CUL1: variants seen among roughly 807,000 people sequenced by gnomAD.
The protein encoded by CUL1 is cullin 1.
Under a neutral mutation model 118.0 loss-of-function variants are expected in CUL1, and 24 were observed. The ratio of observed to expected loss-of-function variants is 0.20; its 90% CI spans 0.15 to 0.29. The LOEUF (loss-of-function observed/expected upper bound fraction) is 0.29. Among genes scored for constraint, CUL1 ranks in the 10% least tolerant of loss-of-function variants. CUL1 has a pLI of 1.00. For synonymous variants in CUL1, 332 were observed against 340.4 expected (o/e 0.98, Z 0.27); for missense variants, 361 against 933.8 (o/e 0.39, Z 7.99).
At chr7:148,705,903 C>T (rs1797865618) in intron 1 of CUL1, among the ~76,000 whole-genome samples, 1 of 152,136 alleles carries the variant, frequency 6.6e-6, no homozygotes, top group African/African-American at 2.4e-5. Flanking sequence ...GTTTGCTTGC[C>T]ATTTTATCTT....
intron 2 of CUL1, among the ~76,000 whole-genome samples, chr7:148,749,081 G>A (rs243491): frequency 0.58 from 88,025 of 151,958 alleles, 25,956 homozygotes; most frequent in African/African-American, 0.67. Context: ...GGAAATTACA[G>A]AGTTAACCAA....
intron 8 of CUL1, among the ~76,000 whole-genome samples, chr7:148,767,282 A>G (rs922947951): frequency 2.6e-5 from 4 of 151,670 alleles, no homozygotes; most frequent in African/African-American, 7.3e-5. Context: ...CATAAATACT[A>G]TTTCAATCTT....
At chr7:148,773,473 G>T (rs1392262729) in intron 9 of CUL1, among the ~76,000 whole-genome samples, 1 of 152,110 alleles carries the variant, frequency 6.6e-6, no homozygotes, top group Non-Finnish European at 1.5e-5. Context: ...ATAACTTCCT[G>T]TGCTTCCTGT....
chr7:148,708,569 T>C (rs1009970069), intron 1 of CUL1, among the ~76,000 whole-genome samples: 7 of 152,244 alleles, frequency 4.6e-5, no homozygotes, highest in Admixed American at 2.6e-4. Flanking sequence ...AGGGCAGGTA[T>C]TGGGCTGCTA....
intron 2 of CUL1, among the ~76,000 whole-genome samples, chr7:148,739,170 G>A (rs927684706): frequency 1.3e-5 from 2 of 152,122 alleles, no homozygotes; most frequent in Admixed American, 6.5e-5. Context: ...TCCCAATAGC[G>A]CTTTTTCCTC....
chr7:148,770,117 C>T (rs1033519927), intron 9 of CUL1, among the ~76,000 whole-genome samples: 1 of 152,178 alleles, frequency 6.6e-6, no homozygotes, highest in Non-Finnish European at 1.5e-5. Context: ...TTACCTAACT[C>T]GATCAGTTAA....
At chr7:148,793,429 A>G (rs1431600889) in intron 17 of CUL1, among the ~76,000 whole-genome samples, 2 of 152,196 alleles carry the variant, frequency 1.3e-5, no homozygotes, top group East Asian at 1.9e-4. Context: ...TTATCACCCC[A>G]AAAAGAAACC....
At chr7:148,786,422 C>A (rs1800815074) in intron 11 of CUL1, 129 bp from the exon 12 acceptor site, 2 of 681,846 alleles carry the variant, frequency 2.9e-6, no homozygotes, top group Non-Finnish European at 2.5e-6. Flanking sequence ...GAAAGTCAAC[C>A]TTCCCTCTTC....
chr7:148,715,954 TA>T (rs1344386423), intron 1 of CUL1, among the ~76,000 whole-genome samples: 1 of 152,218 alleles, frequency 6.6e-6, no homozygotes, highest in African/African-American at 2.4e-5. Context: ...AATTTAGTGA[TA>T]CAAAGAATTT....
intron 9 of CUL1, among the ~76,000 whole-genome samples, chr7:148,779,725 T>TA (rs1234306066): frequency 1.3e-5 from 2 of 152,182 alleles, no homozygotes; most frequent in Admixed American, 1.3e-4. Context: ...GAAGAGTTGT[T>TA]ACAAGTTGTG....
chr7:148,742,957 T>C (rs1023640633), intron 2 of CUL1, among the ~76,000 whole-genome samples: 1 of 152,198 alleles, frequency 6.6e-6, no homozygotes, highest in African/African-American at 2.4e-5. Flanking sequence ...CTTTTAAGGA[T>C]TTTTAGCCTT....
intron 4 of CUL1, among the ~76,000 whole-genome samples, 191 bp downstream of exon 4, chr7:148,757,341 G>A (rs1799688490): frequency 1.3e-5 from 2 of 152,046 alleles, no homozygotes; most frequent in Admixed American, 1.3e-4. Flanking sequence ...TGGGTAAATT[G>A]GAGTTCTAAA....
At position 148,725,219 on chromosome 7, in the gene CUL1, G is replaced by GCGCGCA; in HGVS notation, c.-161-4742_-161-4741insGCGCAC. On this transcript the variant is annotated intron_variant, in intron 1 of 21. Coordinates refer to ENST00000325222, the MANE Select transcript of CUL1 (RefSeq NM_003592.3). ...CGTGTACACACACACACACGCGCGC[G>GCGCGCA]CTCACACACACACACACACACACAC... Among the ~76,000 whole-genome samples the GCGCGCA allele has an allele frequency of 3.0e-4, 42 of 140,152 alleles. 1 individual carries two copies. The highest frequency in any genetic ancestry group is 1.6e-3 in the Admixed American group (22 of 14,192). 91.9% of individuals were successfully genotyped at this position (140,152 alleles called of 152,430 possible). A position where few individuals can be genotyped will look rare whatever the true frequency, so the allele number is the denominator to read the frequency against.
intron 2 of CUL1, among the ~76,000 whole-genome samples, chr7:148,750,279 A>G (rs1799443615): frequency 6.6e-6 from 1 of 150,570 alleles, no homozygotes. Flanking sequence ...TACTGGAAGG[A>G]GATGCCACCT....
At chr7:148,727,465 A>G (rs1798623876) in intron 1 of CUL1, among the ~76,000 whole-genome samples, 1 of 152,184 alleles carries the variant, frequency 6.6e-6, no homozygotes, top group African/African-American at 2.4e-5. Flanking sequence ...TATGTAAAAT[A>G]TGTATTGAGC....
At position 148,787,258 on chromosome 7, in the gene CUL1, C is replaced by G; in HGVS notation, c.1479+138C>G. The G allele has an allele frequency of 1.4e-6, 1 of 728,932 alleles. No homozygotes were observed. Among genetic ancestry groups the G allele is most frequent in the Non-Finnish European group, 2.2e-6 (1 of 458,016 alleles). 45.2% of individuals were successfully genotyped at this position (728,932 alleles called of 1,614,324 possible). ...CGGGCAGATCACGAGGTCAGGAGAT[C>G]GAGACCATCCTGGCTAATATGGAGA... On this transcript the variant is annotated intron_variant, in intron 13 of 21. Coordinates refer to ENST00000325222, the MANE Select transcript of CUL1 (RefSeq NM_003592.3). The surrounding 1 kb of genome is among the most constrained non-coding windows in gnomAD (Gnocchi z 5.5).
chr7:148,771,520 C>T (rs973106859), intron 9 of CUL1, among the ~76,000 whole-genome samples: 1 of 152,158 alleles, frequency 6.6e-6, no homozygotes, highest in Non-Finnish European at 1.5e-5. Flanking sequence ...GAGAGCCCTC[C>T]GAACCTCGGA....
In CUL1 at chr7:148,715,859, T is replaced by C. The variant is rs528022393; in HGVS notation, c.-161-14103T>C. The stretch of plus-strand genomic sequence containing the variant: ...GTAACTTATCTATTTCTGTTAATCC[T>C]CACTTTCTTATATAGAGTTGTTCCT... On this transcript the variant is annotated intron_variant, in intron 1 of 21. Coordinates refer to ENST00000325222, the MANE Select transcript of CUL1 (RefSeq NM_003592.3). 3.9e-5 allele frequency among the ~76,000 whole-genome samples: 6 copies of C among 152,350 alleles called. No homozygotes were observed. In the East Asian group the frequency reaches 1.2e-3, roughly 29 times the overall value.
At chr7:148,772,970 C>G (rs1800265557) in intron 9 of CUL1, among the ~76,000 whole-genome samples, 1 of 152,016 alleles carries the variant, frequency 6.6e-6, no homozygotes. Context: ...TTACTGTTTT[C>G]TATGCATTTT....
Sources: allele counts gnomAD v4.1 joint callset (sites outside exome capture counted in the v4.1 genomes callset), GRCh38; gene constraint gnomAD v4.1.1; non-coding constraint Gnocchi (gnomAD v3.1); transcripts MANE v1.5; gene names NCBI Gene and HGNC (gene_info 2026-07-23, HGNC 2026-07-21).